The following ZNF362 variants were observed in gnomAD, a reference collection of about 807,000 sequenced individuals.
ZNF362 encodes rotund homolog.
Under a neutral mutation model 42.9 loss-of-function variants are expected in ZNF362, and 11 were observed. The observed-to-expected ratio is 0.26, with a 90% CI of 0.16 to 0.42. ZNF362 has a LOEUF of 0.42. Among genes scored for constraint, ZNF362 ranks in the 20% least tolerant of loss-of-function variants. The pLI is 1.00. For missense variants in ZNF362, 362 were observed against 576.2 expected (o/e 0.63, Z 3.81); for synonymous variants, 255 against 257.3 (o/e 0.99, Z 0.09).
At chr1:33,231,753 C>T in the ZNF362 span, among the ~76,000 whole-genome samples, 33 of 152,224 alleles carry the variant, frequency 2.2e-4, no homozygotes, top group East Asian at 1.2e-3. Context: ...ACTGAATGAG[C>T]GAATGATGGA....
At chr1:33,153,431 C>G in the ZNF362 span, among the ~76,000 whole-genome samples, 1 of 152,362 alleles carries the variant, frequency 6.6e-6, no homozygotes, top group East Asian at 1.9e-4. Flanking sequence ...CCAGGGACAT[C>G]TGGCAAAGTC....
At position 33,297,511 on chromosome 1, in the gene ZNF362, C is replaced by CTTTTTTTTTT. The variant is rs776504622; in HGVS notation, c.1147-1418_1147-1417insTTTTTTTTTT. On this transcript the variant is annotated intron_variant, in intron 8 of 8. Transcript: ENST00000539719. ...ATGATTTGGTGTATTTACATGATTC[C>CTTTTTTTTTT]TCTTTTTTTTTTTTTTTTTGAGACG... 3.9e-4 allele frequency among the ~76,000 whole-genome samples: 31 copies of CTTTTTTTTTT among 78,858 alleles called. 6 individuals carry two copies. Among genetic ancestry groups the CTTTTTTTTTT allele is most frequent in the South Asian group, 4.7e-4 (1 of 2,124 alleles). The allele number at this position is 78,858 out of a possible 152,430, so 51.7% of individuals were successfully genotyped here. A position where few individuals can be genotyped will look rare whatever the true frequency, so the allele number is the denominator to read the frequency against.
At chr1:33,180,326 C>T in the ZNF362 span, among the ~76,000 whole-genome samples, 8 of 152,112 alleles carry the variant, frequency 5.3e-5, no homozygotes, top group African/African-American at 1.9e-4. Context: ...CCCACTCAAC[C>T]TGGCCTCTAC....
the ZNF362 span, among the ~76,000 whole-genome samples, chr1:33,204,949 C>A: frequency 1.3e-5 from 2 of 152,138 alleles, no homozygotes; most frequent in East Asian, 3.8e-4. Context: ...AGGGATGAAT[C>A]TACAAGATAT....
intron 1 of ZNF362, among the ~76,000 whole-genome samples, chr1:33,259,917 T>C (rs1009163624): frequency 1.3e-5 from 2 of 152,226 alleles, no homozygotes; most frequent in Non-Finnish European, 2.9e-5. Context: ...TTTCAGCACA[T>C]TCTTTCCCTT....
the ZNF362 span, chr1:33,165,591 G>C: frequency 1.3e-6 from 2 of 1,581,790 alleles, no homozygotes; most frequent in Non-Finnish European, 8.6e-7. This position sits in a 1 kb window ranked among gnomAD's most constrained non-coding sequence, Gnocchi z 4.0. Flanking sequence ...GGGCCGGGAT[G>C]GGGGCAGGGG....
chr1:33,174,609 T>G, the ZNF362 span, among the ~76,000 whole-genome samples: 2 of 152,198 alleles, frequency 1.3e-5, no homozygotes, highest in Non-Finnish European at 2.9e-5. Context: ...AGAGCATGAC[T>G]GCCTGTCAAA....
chr1:33,217,879 T>C, the ZNF362 span, among the ~76,000 whole-genome samples: 933 of 152,294 alleles, frequency 6.1e-3, 12 homozygotes, highest in African/African-American at 0.021. Flanking sequence ...TAATATGTCA[T>C]GGATATCTAT....
In ZNF362 at chr1:33,276,085, G is replaced by A. The variant is rs759498040; in HGVS notation, c.39-15G>A. The A allele has an allele frequency of 8.1e-6, 13 of 1,613,820 alleles. No homozygotes were observed. In the Admixed American group the frequency reaches 1.2e-4, roughly 14 times the overall value. The stretch of plus-strand genomic sequence containing the variant: ...GAGGGCTCTCTTCCCGGTGACAGTC[G>A]CTCTCTTCCCGCAGGATGGCCGAGC... On this transcript the variant is annotated splice_polypyrimidine_tract_variant and intron_variant, in intron 2 of 8. Transcript: ENST00000539719.
At chr1:33,298,803 ACTGTGG>A in intron 8 of ZNF362, 121 bp from the exon 9 acceptor site, 1 of 756,714 alleles carries the variant, frequency 1.3e-6, no homozygotes, top group Non-Finnish European at 2.3e-6. Context: ...ACCCTGCAAA[ACTGTGG>A]CTGTCCTCCA....
the ZNF362 span, among the ~76,000 whole-genome samples, chr1:33,167,061 A>G: frequency 2.0e-5 from 3 of 151,968 alleles, no homozygotes; most frequent in Admixed American, 6.6e-5. This position sits in a 1 kb window ranked among gnomAD's most constrained non-coding sequence, Gnocchi z 4.2. Context: ...GCTCGTTCCA[A>G]TCTTCAGACT....
chr1:33,166,987 C>A, the ZNF362 span, among the ~76,000 whole-genome samples: 2 of 152,180 alleles, frequency 1.3e-5, no homozygotes, highest in East Asian at 3.9e-4. Context: ...CCTCTGTCTC[C>A]AACACCCTCC....
At chr1:33,274,825 T>C in intron 2 of ZNF362, 1 of 522,488 alleles carries the variant, frequency 1.9e-6, no homozygotes, top group Non-Finnish European at 2.5e-6. Context: ...CCTTCCCCTC[T>C]CTCTGAGCCT....
At chr1:33,243,105 GTTA>G in the ZNF362 span, among the ~76,000 whole-genome samples, 6 of 129,030 alleles carry the variant, frequency 4.7e-5, no homozygotes, top group African/African-American at 1.9e-4. Flanking sequence ...CACCACAACT[GTTA>G]TTATGTTATG....
chr1:33,187,274 G>C, the ZNF362 span, among the ~76,000 whole-genome samples: 1 of 152,234 alleles, frequency 6.6e-6, no homozygotes, highest in Non-Finnish European at 1.5e-5. Flanking sequence ...CCATGTGGAT[G>C]CTGGCAGTTG....
the ZNF362 span, among the ~76,000 whole-genome samples, chr1:33,174,112 C>T: frequency 6.8e-6 from 1 of 146,532 alleles, no homozygotes. Flanking sequence ...ATATTCTTTT[C>T]CCCCCTTTCT....
intron 8 of ZNF362, among the ~76,000 whole-genome samples, chr1:33,297,511 C>CT (rs776504622): frequency 7.6e-5 from 6 of 78,908 alleles, no homozygotes; most frequent in Non-Finnish European, 1.2e-4. Flanking sequence ...TACATGATTC[C>CT]TCTTTTTTTT....
chr1:33,287,914 T>G (rs950065531), intron 6 of ZNF362, among the ~76,000 whole-genome samples: 7 of 152,230 alleles, frequency 4.6e-5, no homozygotes, highest in African/African-American at 1.2e-4. Flanking sequence ...ATGTTTAACC[T>G]TCATATATCT....
chr1:33,189,722 T>TATATATATATATATACAC, the ZNF362 span, among the ~76,000 whole-genome samples: 13 of 102,944 alleles, frequency 1.3e-4, 1 homozygote, highest in African/African-American at 4.7e-4. Context: ...TATATATACA[T>TATATATATATATATACAC]ACACACATAC....
Sources: gnomAD v4.1 joint callset for allele counts (sites outside exome capture counted in the v4.1 genomes callset) on GRCh38, gnomAD v4.1.1 for gene constraint, Gnocchi (gnomAD v3.1) non-coding constraint, MANE v1.5 for transcripts, NCBI Gene and HGNC (gene_info 2026-07-23, HGNC 2026-07-21) for gene names.